The following SEMA3E variants were observed in gnomAD, a reference collection of about 807,000 sequenced individuals.
SEMA3E encodes semaphorin-3E.
A neutral mutation model predicts 93.6 loss-of-function variants in SEMA3E; 49 were observed. The ratio of observed to expected loss-of-function variants is 0.52; its 90% CI spans 0.42 to 0.66. The LOEUF is 0.66. Among genes scored for constraint, SEMA3E ranks in the 30% least tolerant of loss-of-function variants. SEMA3E has a pLI of 0.00. For synonymous variants in SEMA3E, 363 were observed against 330.7 expected (o/e 1.10, Z -1.06); for missense variants, 906 against 964.8 (o/e 0.94, Z 0.81).
At chr7:83,418,270 G>A (rs1483115722) in intron 5 of SEMA3E, 120 bp downstream of exon 5, 5 of 787,834 alleles carry the variant, frequency 6.3e-6, no homozygotes, top group Admixed American at 2.1e-5. Flanking sequence ...TCGAGCATCA[G>A]AAAATAGATA....
At chr7:83,407,987 T>C (rs1788360058) in intron 6 of SEMA3E, among the ~76,000 whole-genome samples, 1 of 152,170 alleles carries the variant, frequency 6.6e-6, no homozygotes, top group Non-Finnish European at 1.5e-5. Context: ...TAAAGTCTAA[T>C]GCAATCCTAT....
chr7:83,607,502 C>G (rs1197290789), intron 1 of SEMA3E, among the ~76,000 whole-genome samples: 2 of 152,094 alleles, frequency 1.3e-5, no homozygotes, highest in East Asian at 3.9e-4. Flanking sequence ...TCATTTTTAC[C>G]TATGTAGAGA....
At chr7:83,624,048 A>G (rs534117192) in intron 1 of SEMA3E, among the ~76,000 whole-genome samples, 2 of 152,330 alleles carry the variant, frequency 1.3e-5, no homozygotes, top group Admixed American at 1.3e-4. Flanking sequence ...TGCAAAGGGC[A>G]TGAACTCATT....
chr7:83,409,332 T>C (rs1227453184), intron 5 of SEMA3E, among the ~76,000 whole-genome samples: 1 of 152,014 alleles, frequency 6.6e-6, no homozygotes, highest in Non-Finnish European at 1.5e-5. Context: ...TCACAAGAGG[T>C]AATCAGTGTG....
intron 1 of SEMA3E, among the ~76,000 whole-genome samples, chr7:83,567,193 C>G (rs1038761762): frequency 2.0e-5 from 3 of 152,110 alleles, no homozygotes; most frequent in African/African-American, 7.2e-5. Flanking sequence ...ACAAAGGAAT[C>G]AATTCAGCTA....
intron 1 of SEMA3E, among the ~76,000 whole-genome samples, chr7:83,589,252 T>G (rs2115938601): frequency 6.6e-6 from 1 of 152,270 alleles, no homozygotes; most frequent in South Asian, 2.1e-4. Flanking sequence ...TTCTGACAAA[T>G]AATTATTCCT....
chr7:83,633,353 C>T (rs564211815), intron 1 of SEMA3E, among the ~76,000 whole-genome samples: 5 of 151,830 alleles, frequency 3.3e-5, no homozygotes, highest in African/African-American at 1.2e-4. Flanking sequence ...TATTATACAC[C>T]TCCTTTAGTC....
chr7:83,599,019 T>C (rs1358157566), intron 1 of SEMA3E, among the ~76,000 whole-genome samples: 2 of 152,194 alleles, frequency 1.3e-5, no homozygotes. Context: ...TAAATTTGCC[T>C]AAATATTTAA....
chr7:83,583,723 A>T (rs1356377137), intron 1 of SEMA3E, among the ~76,000 whole-genome samples: 1 of 152,186 alleles, frequency 6.6e-6, no homozygotes, highest in Non-Finnish European at 1.5e-5. Flanking sequence ...CTTTCATGTG[A>T]TATGTTAAAG....
rs543244478 is a variant in SEMA3E at position 83,415,051 on chromosome 7, T to C, written c.550+3339A>G. ...AAAAATATTTGCTTCTTGGCCAAAA[T>C]GACACATGACATAAAGAACACTGTT... On this transcript the variant is annotated intron_variant, in intron 5 of 16. Transcript: ENST00000643230. Among the ~76,000 whole-genome samples the C allele has an allele frequency of 2.9e-3, 443 of 152,260 alleles. 4 individuals are homozygous for C. The highest frequency in any genetic ancestry group is 4.7e-3 in the Non-Finnish European group (317 of 67,994).
chr7:83,484,383 T>C (rs1459377418), intron 2 of SEMA3E, among the ~76,000 whole-genome samples: 1 of 152,012 alleles, frequency 6.6e-6, no homozygotes, highest in Non-Finnish European at 1.5e-5. Flanking sequence ...TCCTCATTAA[T>C]TGAATATGTT....
chr7:83,405,096 A>G (rs1286503928), intron 9 of SEMA3E, among the ~76,000 whole-genome samples: 3 of 151,978 alleles, frequency 2.0e-5, no homozygotes. Flanking sequence ...TAAAGGAATT[A>G]TCCTAGACTT....
intron 4 of SEMA3E, among the ~76,000 whole-genome samples, chr7:83,439,693 G>T (rs1369994780): frequency 6.6e-6 from 1 of 152,174 alleles, no homozygotes; most frequent in African/African-American, 2.4e-5. Context: ...AGTCTTGAGT[G>T]TGAGAGCATA....
At chr7:83,531,341 CTTTTTTTTTTTTT>C (rs144165250) in intron 1 of SEMA3E, among the ~76,000 whole-genome samples, 2 of 68,132 alleles carry the variant, frequency 2.9e-5, no homozygotes, top group African/African-American at 1.2e-4. Flanking sequence ...TTGGAATATT[CTTTTTTTTTTTTT>C]TTTTTTTTCC....
At chr7:83,434,680 G>A (rs2115758368) in intron 4 of SEMA3E, among the ~76,000 whole-genome samples, 1 of 151,198 alleles carries the variant, frequency 6.6e-6, no homozygotes, top group Non-Finnish European at 1.5e-5. Flanking sequence ...CTAATTTGAG[G>A]ATAGATTTAT....
chr7:83,441,786 T>C (rs1314045444), intron 4 of SEMA3E, among the ~76,000 whole-genome samples: 1 of 152,206 alleles, frequency 6.6e-6, no homozygotes, highest in African/African-American at 2.4e-5. Flanking sequence ...TGTGTGTATA[T>C]ATACAATTAA....
intron 2 of SEMA3E, among the ~76,000 whole-genome samples, chr7:83,487,038 C>T (rs940411706): frequency 2.0e-5 from 3 of 152,094 alleles, no homozygotes; most frequent in African/African-American, 7.2e-5. Context: ...CATAAAGCCT[C>T]ATCACTCTCC....
At chr7:83,545,893 TA>T (rs980788572) in intron 1 of SEMA3E, among the ~76,000 whole-genome samples, 9 of 123,302 alleles carry the variant, frequency 7.3e-5, no homozygotes, top group African/African-American at 3.5e-4. Context: ...TCATATATGA[TA>T]AAAATATTAT....
At chr7:83,613,182 T>C (rs900308865) in intron 1 of SEMA3E, among the ~76,000 whole-genome samples, 8 of 152,058 alleles carry the variant, frequency 5.3e-5, no homozygotes, top group Non-Finnish European at 1.0e-4. Context: ...AACTACTCTA[T>C]AGTCCGAAAA....
Sources: allele counts gnomAD v4.1 joint callset (sites outside exome capture counted in the v4.1 genomes callset), GRCh38; gene constraint gnomAD v4.1.1; transcripts MANE v1.5; gene names NCBI Gene and HGNC (gene_info 2026-07-23, HGNC 2026-07-21).